Variants in ORAI2 observed in about 807,000 individuals in gnomAD.
ORAI2 encodes protein orai-2.
A neutral mutation model predicts 16.2 loss-of-function variants in ORAI2; 10 were observed. The observed-to-expected ratio is 0.62, with a 90% CI of 0.38 to 1.04. The LOEUF (loss-of-function observed/expected upper bound fraction) is 1.04. Ranked by LOEUF, ORAI2 falls within the 50% of genes least tolerant of loss-of-function variation. The pLI, the probability that ORAI2 is intolerant of heterozygous loss-of-function variation, is 0.01. For synonymous variants in ORAI2, 150 were observed against 157.5 expected, an observed-to-expected ratio of 0.95 and a Z score of 0.35; for missense variants, 238 against 355.5, an observed-to-expected ratio of 0.67 and a Z score of 2.66.
rs781726013 is a variant in ORAI2, at chr7:102,446,968, G to A, written c.681G>A (p.Thr227=). The A allele has an allele frequency of 9.2e-5, 148 of 1,609,548 alleles. No homozygotes were observed. The highest frequency in any genetic ancestry group is 1.7e-4 in the Admixed American group (10 of 59,492). Residue 227 remains threonine (T), a synonymous_variant, in exon 4 of 4, where the codon ACG becomes ACA. Transcript: ENST00000495936. ...HFYRSLVRHK[T]ERHNREIEEL... The stretch of plus-strand genomic sequence containing the variant: ...ACCGCTCCCTGGTGCGCCACAAAAC[G>A]GAGCGCCACAACCGCGAGATCGAGG...
chr7:102,443,569 C>T (rs917639880), intron 3 of ORAI2, among the ~76,000 whole-genome samples: 1 of 152,038 alleles, frequency 6.6e-6, no homozygotes, highest in Non-Finnish European at 1.5e-5. Flanking sequence ...GTGACCATAG[C>T]CAACCCAGGG....
At chr7:102,435,532 C>G (rs1047763117) in intron 1 of ORAI2, among the ~76,000 whole-genome samples, 2 of 123,832 alleles carry the variant, frequency 1.6e-5, no homozygotes, top group Non-Finnish European at 3.3e-5. Context: ...GATTGCCCCC[C>G]CCTCTTTTTT....
In ORAI2 at chr7:102,433,894, GGGGAGGGACA is replaced by G. The variant is rs1796990191; in HGVS notation, c.-123+238_-123+247del. 6.6e-6 allele frequency among the ~76,000 whole-genome samples: 1 copy of G among 151,922 alleles called. No individual in the cohort carries two copies. The highest frequency in any genetic ancestry group is 1.5e-5 in the Non-Finnish European group (1 of 67,924). ...GGTTCCGGACACCGGGGCGTCCCTGGGGGAGGGACAGGGATGCAGCCTAGCGCCCCTGGGA... is the reference window on the plus strand; with the variant it reads ...GGTTCCGGACACCGGGGCGTCCCTGGGGGATGCAGCCTAGCGCCCCTGGGA... On this transcript the variant is annotated intron_variant, in intron 1 of 3. Transcript: ENST00000495936. This position sits in a 1 kb window ranked among gnomAD's most constrained non-coding sequence, Gnocchi z 4.6.
In ORAI2 at chr7:102,452,903, A is replaced by G. The variant is rs61381553; in HGVS notation, c.*5851A>G. On this transcript the variant is annotated 3_prime_UTR_variant, in exon 4 of 4. Transcript: ENST00000495936. The stretch of plus-strand genomic sequence containing the variant: ...CAGCTCGCTGCAACCTCCACTTCCC[A>G]GGTTCAAGCAATTCTTCTGCCAAGC... 18,861 of 152,090 alleles carry G rather than the reference A, an allele frequency of 0.12. 2,025 individuals carry two copies. Among genetic ancestry groups the G allele is most frequent in the East Asian group, 0.42 (2,162 of 5,160 alleles). 9.4% of individuals were successfully genotyped at this position (152,090 alleles called of 1,614,324 possible).
At chr7:102,435,146 A>T (rs1797029226) in intron 1 of ORAI2, among the ~76,000 whole-genome samples, 1 of 152,256 alleles carries the variant, frequency 6.6e-6, no homozygotes, top group South Asian at 2.1e-4. Context: ...TGGCACACAC[A>T]TGTAGTCCCA....
In ORAI2 at chr7:102,448,088, C is replaced by A. The variant is rs113412733; in HGVS notation, c.*1036C>A. On this transcript the variant is annotated 3_prime_UTR_variant, in exon 4 of 4. Coordinates refer to ENST00000495936, the MANE Select transcript of ORAI2 (RefSeq NM_001126340.3). ...TGCCTAGGCAAGGTCATTGGCCGGG[C>A]CTGGCCTGTGGATAGTGGGGCCAGG... 0.021 allele frequency: 3,189 copies of A among 152,504 alleles called. 112 individuals are homozygous for A. Among genetic ancestry groups the A allele is most frequent in the African/African-American group, 0.072 (2,995 of 41,586 alleles). 9.4% of individuals were successfully genotyped at this position (152,504 alleles called of 1,614,324 possible).
chr7:102,438,813 C>T, intron 2 of ORAI2, 131 bp from the exon 3 acceptor site: 2 of 763,414 alleles, frequency 2.6e-6, no homozygotes, highest in South Asian at 1.6e-5. Flanking sequence ...AGGTCCTGGG[C>T]ACTTTCTAAA....
At position 102,456,701 on chromosome 7, in the gene ORAI2, C is replaced by T. The variant is rs987656077; in HGVS notation, c.*9649C>T. On this transcript the variant is annotated 3_prime_UTR_variant, in exon 4 of 4. Transcript: ENST00000495936. The stretch of plus-strand genomic sequence containing the variant: ...CTGAAGCTGTTCCCAGCTCTTTAGT[C>T]TAAACTTCAAATCTTCAACCCTGTT... 4.6e-5 allele frequency: 7 copies of T among 152,288 alleles called. No individual in the cohort carries two copies. The East Asian group carries it at 7.7e-4, about 17-fold the overall frequency. 9.4% of individuals were successfully genotyped at this position (152,288 alleles called of 1,614,324 possible).
In ORAI2 at chr7:102,447,143, G is replaced by A. The variant is rs960848769; in HGVS notation, c.*91G>A. 19 of 1,381,432 alleles carry A rather than the reference G, an allele frequency of 1.4e-5. No homozygotes were observed. Among genetic ancestry groups the A allele is most frequent in the African/African-American group, 7.3e-5 (5 of 68,656 alleles). 85.6% of individuals were successfully genotyped at this position (1,381,432 alleles called of 1,614,324 possible). A position where few individuals can be genotyped will look rare whatever the true frequency, so the allele number is the denominator to read the frequency against. On this transcript the variant is annotated 3_prime_UTR_variant, in exon 4 of 4. Transcript: ENST00000495936. ...GATGCAGACATTTTGCAAGGCTGCC[G>A]GGTAGTTCAAGACCAAAGTTTTCCT...
rs1563639327 is a variant in ORAI2 at position 102,446,967 on chromosome 7, C to T, written c.680C>T (p.Thr227Met). The part of the protein sequence containing the change: ...HFYRSLVRHK[T>M]ERHNREIEEL... Reference sequence around the variant, plus strand: ...TACCGCTCCCTGGTGCGCCACAAAACGGAGCGCCACAACCGCGAGATCGAG... The same window carrying T: ...TACCGCTCCCTGGTGCGCCACAAAATGGAGCGCCACAACCGCGAGATCGAG... Residue 227 changes from threonine (T) to methionine (M), a missense_variant, in exon 4 of 4, where the codon ACG (threonine) becomes ATG (methionine). Thr to Met is a moderately conservative substitution (Grantham distance 81). Coordinates refer to ENST00000495936, the MANE Select transcript of ORAI2 (RefSeq NM_001126340.3). The T allele has an allele frequency of 1.2e-5, 20 of 1,609,726 alleles. No homozygotes were observed. Among genetic ancestry groups the T allele is most frequent in the Non-Finnish European group, 1.5e-5 (18 of 1,179,190 alleles).
rs1362617509 is a variant in ORAI2 at position 102,453,176 on chromosome 7, G to A, written c.*6124G>A. 1 of 152,100 alleles carries A rather than the reference G, an allele frequency of 6.6e-6. No homozygotes were observed. The allele number at this position is 152,100 out of a possible 1,614,324, so 9.4% of individuals were successfully genotyped here. ...TTTAGTAGAGATGGGGTTTCTCCAT[G>A]TTAGCCAAGCTGGTCTCGAACTCCC... On this transcript the variant is annotated 3_prime_UTR_variant, in exon 4 of 4. Coordinates refer to ENST00000495936, the MANE Select transcript of ORAI2 (RefSeq NM_001126340.3).
Position 102,446,749 on chromosome 7 carries a change from C to T in ORAI2, c.462C>T (p.Thr154=), listed in dbSNP as rs1239927039. ...TCGAGCTGGCCTGGGGCTTCTCCACCGTGCTTGGCATCCTACTCTTCCTGG... is the reference window on the plus strand; with the variant it reads ...TCGAGCTGGCCTGGGGCTTCTCCACTGTGCTTGGCATCCTACTCTTCCTGG... ...PYIELAWGFS[T]VLGILLFLAE... The change falls in exon 4 of 4, where the codon ACC becomes ACT. Residue 154 remains threonine, a synonymous_variant. Transcript: ENST00000495936. 8.1e-6 allele frequency: 13 copies of T among 1,614,048 alleles called. No individual in the cohort carries two copies. Among genetic ancestry groups the T allele is most frequent in the South Asian group, 3.3e-5 (3 of 91,088 alleles).
rs766937231 is a variant in ORAI2 at position 102,446,841 on chromosome 7, C to A, written c.554C>A (p.Pro185Gln). Residue 185 changes from proline (P) to glutamine (Q), a missense_variant, in exon 4 of 4, where the codon CCA (proline) becomes CAA (glutamine). By Grantham distance (76) the Pro-to-Gln change is moderately conservative. Coordinates refer to ENST00000495936, the MANE Select transcript of ORAI2 (RefSeq NM_001126340.3). ...PVDARRQPGP[P>Q]PGPGSHTGWQ... ...GATGCCCGGCGCCAGCCTGGCCCCC[C>A]ACCTGGCCCTGGGAGTCACACGGGC... 2.5e-6 allele frequency: 4 copies of A among 1,613,850 alleles called. No homozygotes were observed. Among genetic ancestry groups the A allele is most frequent in the Middle Eastern group, 1.6e-4 (1 of 6,062 alleles).
Position 102,447,283 on chromosome 7 carries a change from T to A in ORAI2, c.*231T>A, listed in dbSNP as rs1440222096. ...GCAAAGCCAGGCTGGTTCCTTGGCC[T>A]CGGGGTTTCCTGGGTCGGGGACACG... is the stretch of plus-strand genomic sequence containing the variant. On this transcript the variant is annotated 3_prime_UTR_variant, in exon 4 of 4. Transcript: ENST00000495936. The A allele has an allele frequency of 2.3e-5, 13 of 560,920 alleles. No individual in the cohort carries two copies. Among genetic ancestry groups the A allele is most frequent in the Non-Finnish European group, 3.4e-5 (11 of 325,818 alleles). 34.7% of individuals were successfully genotyped at this position (560,920 alleles called of 1,614,324 possible). A position where few individuals can be genotyped will look rare whatever the true frequency, so the allele number is the denominator to read the frequency against.
intron 3 of ORAI2, among the ~76,000 whole-genome samples, chr7:102,440,156 G>A (rs1262492243): frequency 1.3e-5 from 2 of 152,102 alleles, no homozygotes; most frequent in Non-Finnish European, 2.9e-5. Context: ...CTGAGAAAAG[G>A]CGCCCATGTC....
intron 1 of ORAI2, among the ~76,000 whole-genome samples, chr7:102,435,908 G>A (rs1797046529): frequency 6.6e-6 from 1 of 152,070 alleles, no homozygotes; most frequent in South Asian, 2.1e-4. Flanking sequence ...GATGACAGGT[G>A]TGAGCTACTG....
chr7:102,433,936 C>T lies in ORAI2; in HGVS notation c.-123+275C>T, dbSNP rs1275928720. On this transcript the variant is annotated intron_variant, in intron 1 of 3. Transcript: ENST00000495936. This position sits in a 1 kb window ranked among gnomAD's most constrained non-coding sequence, Gnocchi z 4.6. ...CAGCCTAGCGCCCCTGGGAGGCCCC[C>T]TCCCAGTGCGCCTGCTGGAGAGAGA... 6.6e-6 allele frequency among the ~76,000 whole-genome samples: 1 copy of T among 151,928 alleles called. No individual in the cohort carries two copies. Among genetic ancestry groups the T allele is most frequent in the Admixed American group, 6.5e-5 (1 of 15,274 alleles).
chr7:102,437,864 A>C (rs1389330960), intron 2 of ORAI2, among the ~76,000 whole-genome samples: 2 of 152,068 alleles, frequency 1.3e-5, no homozygotes, highest in Non-Finnish European at 2.9e-5. Context: ...CAGCCTGGGC[A>C]ATATAGTGAG....
intron 1 of ORAI2, among the ~76,000 whole-genome samples, chr7:102,435,403 A>C (rs527943768): frequency 6.6e-6 from 1 of 152,176 alleles, no homozygotes; most frequent in East Asian, 1.9e-4. Context: ...TTTGGCATGC[A>C]AAGGGCCGCT....
Sources: allele counts gnomAD v4.1 joint callset (sites outside exome capture counted in the v4.1 genomes callset), GRCh38; gene constraint gnomAD v4.1.1; non-coding constraint Gnocchi (gnomAD v3.1); transcripts MANE v1.5; gene names NCBI Gene and HGNC (gene_info 2026-07-23, HGNC 2026-07-21).